Variants in MTCH2 observed in about 807,000 individuals in gnomAD.
MTCH2 encodes the protein mitochondrial carrier homolog 2.
Under a neutral mutation model 50.6 loss-of-function variants are expected in MTCH2, and 25 were observed. That is an observed-to-expected ratio of 0.49 (90% CI 0.36 to 0.69). The LOEUF (loss-of-function observed/expected upper bound fraction) is 0.69, where lower values mean the gene tolerates loss of function less well. Ranked by LOEUF, MTCH2 falls within the 30% of genes least tolerant of loss-of-function variation. MTCH2 has a pLI of 0.00. For synonymous variants in MTCH2, 106 were observed against 132.0 expected, an observed-to-expected ratio of 0.80 and a Z score of 1.35; for missense variants, 273 against 384.4, an observed-to-expected ratio of 0.71 and a Z score of 2.42.
chr11:47,625,075 GA>G (rs920020543), intron 11 of MTCH2, among the ~76,000 whole-genome samples: 1 of 150,066 alleles, frequency 6.7e-6, no homozygotes, highest in African/African-American at 2.5e-5. Flanking sequence ...GTGACAGAGT[GA>G]GATTCTGTCT....
At chr11:47,625,036 C>T (rs187799442) in intron 11 of MTCH2, among the ~76,000 whole-genome samples, 7 of 152,068 alleles carry the variant, frequency 4.6e-5, no homozygotes, top group East Asian at 3.9e-4. Context: ...TGCAATGGAG[C>T]GAGACTGCAC....
chr11:47,610,483 T>C, the MTCH2 span, among the ~76,000 whole-genome samples: 2 of 152,074 alleles, frequency 1.3e-5, no homozygotes, highest in African/African-American at 4.8e-5. Context: ...GGAGGGTGGA[T>C]CACCTGAGGT....
chr11:47,634,737 G>A lies in MTCH2; in HGVS notation c.307-3C>T. 6.5e-7 allele frequency: 1 copy of A among 1,548,560 alleles called. No individual in the cohort carries two copies. Among genetic ancestry groups the A allele is most frequent in the Non-Finnish European group, 8.8e-7 (1 of 1,136,228 alleles). On this transcript the variant is annotated splice_polypyrimidine_tract_variant and splice_region_variant and intron_variant, in intron 4 of 12. Coordinates refer to ENST00000302503, the MANE Select transcript of MTCH2 (RefSeq NM_014342.4). ...TGTACATTTCCAGGTCCTAACTCCTGGAAATCAAAATCAAAGAAAATAGAG... is the reference window on the plus strand; with the variant it reads ...TGTACATTTCCAGGTCCTAACTCCTAGAAATCAAAATCAAAGAAAATAGAG...
downstream of MTCH2, among the ~76,000 whole-genome samples, chr11:47,615,144 C>T (rs1565958006): frequency 6.8e-6 from 1 of 146,848 alleles, no homozygotes; most frequent in South Asian, 2.2e-4. Flanking sequence ...CTCAACCAGT[C>T]GTCCCACTTC....
chr11:47,634,381 A>G (rs1051879839), intron 5 of MTCH2, among the ~76,000 whole-genome samples: 2 of 152,112 alleles, frequency 1.3e-5, no homozygotes, highest in African/African-American at 2.4e-5. Flanking sequence ...CACCTGGCCT[A>G]TTTTAACACT....
the MTCH2 span, among the ~76,000 whole-genome samples, chr11:47,608,066 T>C: frequency 6.6e-6 from 1 of 152,236 alleles, no homozygotes; most frequent in Non-Finnish European, 1.5e-5. Flanking sequence ...TGGGCTTTGC[T>C]ATTTACCACC....
intron 3 of MTCH2, 140 bp from the exon 4 acceptor site, chr11:47,635,711 T>C (rs1023102543): frequency 3.1e-5 from 22 of 720,020 alleles, no homozygotes; most frequent in African/African-American, 2.7e-4. Context: ...AAGCTGCAAA[T>C]CTTCAGTTAA....
intron 11 of MTCH2, among the ~76,000 whole-genome samples, chr11:47,623,813 A>C (rs2097295457): frequency 6.6e-6 from 1 of 152,192 alleles, no homozygotes; most frequent in African/African-American, 2.4e-5. Flanking sequence ...GCACTTTAGG[A>C]GGTCGAGGAG....
chr11:47,633,185 C>T (rs1229968775), intron 5 of MTCH2, among the ~76,000 whole-genome samples: 1 of 146,568 alleles, frequency 6.8e-6, no homozygotes, highest in African/African-American at 2.5e-5. Flanking sequence ...TCTTGGCTCA[C>T]TGCAAGCTCC....
chr11:47,635,205 T>C (rs1432880148), intron 4 of MTCH2, among the ~76,000 whole-genome samples: 3 of 152,086 alleles, frequency 2.0e-5, no homozygotes, highest in African/African-American at 2.4e-5. Flanking sequence ...CAACCTCCCA[T>C]GTAGCTGAGA....
chr11:47,606,799 G>C, the MTCH2 span, among the ~76,000 whole-genome samples: 1 of 152,214 alleles, frequency 6.6e-6, no homozygotes, highest in African/African-American at 2.4e-5. Context: ...GGTTGGGGGA[G>C]CAGCTCCCTG....
At chr11:47,605,967 G>C in the MTCH2 span, among the ~76,000 whole-genome samples, 9 of 152,160 alleles carry the variant, frequency 5.9e-5, no homozygotes, top group Admixed American at 5.9e-4. Flanking sequence ...TTATATTCTA[G>C]AATAGATTTT....
At chr11:47,631,481 A>G (rs1224190052) in intron 6 of MTCH2, among the ~76,000 whole-genome samples, 173 bp downstream of exon 6, 1 of 152,182 alleles carries the variant, frequency 6.6e-6, no homozygotes, top group Non-Finnish European at 1.5e-5. Context: ...AAAAAAAAAG[A>G]TTTTCCACCT....
the MTCH2 span, among the ~76,000 whole-genome samples, chr11:47,605,097 AT>A: frequency 6.6e-6 from 1 of 151,770 alleles, no homozygotes; most frequent in South Asian, 2.1e-4. Context: ...CGCCTGGCTA[AT>A]TTTTTTGTAT....
chr11:47,633,527 T>TATATA (rs59398950), intron 5 of MTCH2, among the ~76,000 whole-genome samples: 59 of 19,078 alleles, frequency 3.1e-3, no homozygotes, highest in Non-Finnish European at 3.9e-3. Flanking sequence ...TATATATATA[T>TATATA]TTTTTTTTTT....
At chr11:47,629,232 G>A in intron 8 of MTCH2, 186 bp from the exon 9 acceptor site, 1 of 559,958 alleles carries the variant, frequency 1.8e-6, no homozygotes, top group Non-Finnish European at 3.2e-6. Context: ...TGTACTTGAA[G>A]CTGATCTCCA....
At chr11:47,615,875 C>T (rs1391384657), downstream of MTCH2, among the ~76,000 whole-genome samples, 3 of 151,966 alleles carry the variant, frequency 2.0e-5, no homozygotes, top group East Asian at 5.8e-4. Context: ...CCACCCGCCT[C>T]GGCCTCCCAA....
rs767209949 is a variant in MTCH2 at position 47,618,686 on chromosome 11, C to T, written c.*147G>A. 3 of 531,118 alleles carry T rather than the reference C, an allele frequency of 5.6e-6. No homozygotes were observed. Among genetic ancestry groups the T allele is most frequent in the Non-Finnish European group, 8.8e-6 (3 of 339,158 alleles). 32.9% of individuals were successfully genotyped at this position (531,118 alleles called of 1,614,324 possible). On this transcript the variant is annotated 3_prime_UTR_variant, in exon 13 of 13. Transcript: ENST00000302503. ...AGTTATGTTGTGCTGGAAAAAAGAA[C>T]AAAAAAGGCAGACACCAAACACCTG... is the stretch of plus-strand genomic sequence containing the variant.
In MTCH2 at chr11:47,620,335, G is replaced by A. The variant is rs118061507; in HGVS notation, c.826-1416C>T. On this transcript the variant is annotated intron_variant, in intron 12 of 12. Transcript: ENST00000302503. ...AACAAAAAAATGAGCTGGGCTTAGC[G>A]GTATGTGCCTGTAGTCCAAGCTACC... Among the ~76,000 whole-genome samples, 92 of 152,080 alleles carry A rather than the reference G, an allele frequency of 6.0e-4. No homozygotes were observed. The East Asian group carries it at 0.016, about 26-fold the overall frequency.
Sources: allele counts gnomAD v4.1 joint callset (sites outside exome capture counted in the v4.1 genomes callset), GRCh38; gene constraint gnomAD v4.1.1; transcripts MANE v1.5; gene names NCBI Gene and HGNC (gene_info 2026-07-23, HGNC 2026-07-21).